Variants in PCDHGA5 observed in about 807,000 individuals in gnomAD.
PCDHGA5 encodes protocadherin gamma subfamily A, 5, also known as protocadherin gamma-A5.
Under a neutral mutation model 56.7 loss-of-function variants are expected in PCDHGA5, and 36 were observed. That is an observed-to-expected ratio of 0.64 (90% CI 0.49 to 0.84). The LOEUF is 0.84. Ranked by LOEUF, PCDHGA5 falls within the 40% of genes least tolerant of loss-of-function variation. The probability of loss-of-function intolerance (pLI) is 0.00; values close to 1 mark genes in which losing one functional copy is unlikely to be tolerated. For synonymous variants in PCDHGA5, 563 were observed against 520.2 expected, an observed-to-expected ratio of 1.08 and a Z score of -1.12; for missense variants, 1,305 against 1,201.5, an observed-to-expected ratio of 1.09 and a Z score of -1.27.
chr5:141,387,421 A>T (rs1379081151), intron 1 of PCDHGA5, among the ~76,000 whole-genome samples: 1 of 152,250 alleles, frequency 6.6e-6, no homozygotes, highest in Non-Finnish European at 1.5e-5. Flanking sequence ...GCTTATGTCA[A>T]TAAATGTTTA....
rs947567666 is a variant in PCDHGA5, at chr5:141,422,270, T to C, written c.2421+55519T>C. ...GATGTGAATGATAACGCTCCAGAAA[T>C]AACTATCACCTCTTCTATTAATTCA... On this transcript the variant is annotated intron_variant, in intron 1 of 3. Transcript: ENST00000518069. 2.6e-6 allele frequency: 4 copies of C among 1,562,452 alleles called. No homozygotes were observed. The East Asian group carries it at 9.0e-5, about 35-fold the overall frequency.
At position 141,385,228 on chromosome 5, in the gene PCDHGA5, GAC is replaced by G. The variant is rs1361009837; in HGVS notation, c.2421+18479_2421+18480del. 9 of 1,614,224 alleles carry G rather than the reference GAC, an allele frequency of 5.6e-6. No individual in the cohort carries two copies. The South Asian group carries it at 8.8e-5, about 16-fold the overall frequency. On this transcript the variant is annotated intron_variant, in intron 1 of 3. Transcript: ENST00000518069. ...GATCTTCCCCCAGCCCAACTATGTAGACATGCTCATCAGCCAGGAGAGCTGTG... is the reference window on the plus strand; with the variant it reads ...GATCTTCCCCCAGCCCAACTATGTAGATGCTCATCAGCCAGGAGAGCTGTG...
rs1373988780 is a variant in PCDHGA5, at chr5:141,404,040, G to A, written c.2421+37289G>A. 1.9e-5 allele frequency: 30 copies of A among 1,613,694 alleles called. No homozygotes were observed. The highest frequency in any genetic ancestry group is 2.3e-5 in the Non-Finnish European group (27 of 1,179,836). On this transcript the variant is annotated intron_variant, in intron 1 of 3. Transcript: ENST00000518069. Reference sequence around the variant, plus strand: ...CCAGTGAGAGAAGACGCACCTCAGGGAACAGTAATTCTTCTTTTCAATGCT... The same window carrying A: ...CCAGTGAGAGAAGACGCACCTCAGGAAACAGTAATTCTTCTTTTCAATGCT...
In PCDHGA5 at chr5:141,511,033, C is replaced by T. The variant is rs1185153127; in HGVS notation, c.2656C>T (p.His886Tyr). 6.2e-7 allele frequency: 1 copy of T among 1,614,202 alleles called. No individual in the cohort carries two copies. The highest frequency in any genetic ancestry group is 1.7e-5 in the Admixed American group (1 of 60,032). ...CTACGGACCCCAGTTCACCCTGCAG[C>T]ACGTGCCCGACTACCGCCAGAATGT... ...ARYGPQFTLQ[H>Y]VPDYRQNVYI... Residue 886 changes from histidine to tyrosine, a missense_variant, in exon 4 of 4, where the codon CAC becomes TAC. His to Tyr is a moderately conservative substitution (Grantham distance 83). Coordinates refer to ENST00000518069, the MANE Select transcript of PCDHGA5 (RefSeq NM_018918.3).
In PCDHGA5 at chr5:141,450,141, G is replaced by A. The variant is rs762961199; in HGVS notation, c.2422-44666G>A. On this transcript the variant is annotated intron_variant, in intron 1 of 3. Transcript: ENST00000518069. ...CCTGCCTTAGCCTCCTGAGTAGCTG[G>A]GACTACAGGCATGTGCCACCACACT... Among the ~76,000 whole-genome samples, 401 of 151,622 alleles carry A rather than the reference G, an allele frequency of 2.6e-3. 1 individual carries two copies. The highest frequency in any genetic ancestry group is 3.8e-3 in the Non-Finnish European group (260 of 67,912).
intron 1 of PCDHGA5, chr5:141,413,170 A>T (rs751830095): frequency 6.3e-7 from 1 of 1,595,602 alleles, no homozygotes; most frequent in South Asian, 1.1e-5. Context: ...CTGTAACCAG[A>T]CTACAATGGC....
chr5:141,386,534 T>A (rs1561611722), intron 1 of PCDHGA5, among the ~76,000 whole-genome samples: 1 of 151,950 alleles, frequency 6.6e-6, no homozygotes, highest in African/African-American at 2.4e-5. Context: ...CTTTTTAGAC[T>A]AGTGTTGTAT....
chr5:141,428,007 A>G, intron 1 of PCDHGA5: 1 of 1,602,018 alleles, frequency 6.2e-7, no homozygotes, highest in Non-Finnish European at 8.5e-7. Flanking sequence ...ACTCTTCGAT[A>G]TAGTGCCACG....
chr5:141,395,019 C>T (rs374672662), intron 1 of PCDHGA5: 5 of 1,613,986 alleles, frequency 3.1e-6, no homozygotes, highest in South Asian at 1.1e-5. Context: ...GGTAGGCGTG[C>T]CTGCCTCACA....
In PCDHGA5 at chr5:141,365,291, G is replaced by A. The variant is rs1485820114; in HGVS notation, c.961G>A (p.Ala321Thr). The stretch of plus-strand genomic sequence containing the variant: ...CAGATTCTACCTCATGGAAGTGGTA[G>A]CTCAGGATGGAGGCGCTCTTGTTGC... The part of the protein sequence containing the change: ...ESRFYLMEVV[A>T]QDGGALVASA... The change falls in exon 1 of 4, where the codon GCT becomes ACT. Residue 321 changes from alanine to threonine, a missense_variant. Physicochemically the swap from Ala to Thr is moderately conservative, Grantham distance 58. Transcript: ENST00000518069. 2 of 1,614,008 alleles carry A rather than the reference G, an allele frequency of 1.2e-6. No homozygotes were observed. The highest frequency in any genetic ancestry group is 3.3e-5 in the Admixed American group (2 of 60,022).
At chr5:141,474,892 A>G (rs1419975508) in intron 1 of PCDHGA5, among the ~76,000 whole-genome samples, 1 of 152,208 alleles carries the variant, frequency 6.6e-6, no homozygotes, top group Non-Finnish European at 1.5e-5. Context: ...TTAGAGGTTC[A>G]TTTCTTGTTC....
intron 1 of PCDHGA5, chr5:141,478,531 C>G (rs771145308): frequency 1.2e-6 from 2 of 1,608,190 alleles, no homozygotes; most frequent in East Asian, 2.2e-5. Context: ...GTGCAGAGAG[C>G]GCCCCTCCCG....
intron 1 of PCDHGA5, chr5:141,404,551 G>A (rs764332245): frequency 1.9e-5 from 31 of 1,613,748 alleles, no homozygotes; most frequent in African/African-American, 1.1e-4. Flanking sequence ...TGCAGGTGAC[G>A]GCAAGTGACA....
At chr5:141,501,366 T>G (rs1297210978) in intron 2 of PCDHGA5, among the ~76,000 whole-genome samples, 1 of 150,672 alleles carries the variant, frequency 6.6e-6, no homozygotes, top group Non-Finnish European at 1.5e-5. Flanking sequence ...ACCATATTCA[T>G]CATCTCTTAA....
chr5:141,434,044 A>T (rs2097670450), intron 1 of PCDHGA5, among the ~76,000 whole-genome samples: 2 of 152,132 alleles, frequency 1.3e-5, no homozygotes, highest in South Asian at 4.1e-4. Flanking sequence ...TTTCTATTTT[A>T]TTCAATGGCC....
intron 1 of PCDHGA5, chr5:141,394,704 G>A (rs1357305999): frequency 1.2e-6 from 2 of 1,613,268 alleles, no homozygotes; most frequent in East Asian, 2.2e-5. Context: ...CACGGCGCGA[G>A]CCCTGCTGGA....
chr5:141,465,048 A>AT (rs905091014), intron 1 of PCDHGA5, among the ~76,000 whole-genome samples: 18 of 151,226 alleles, frequency 1.2e-4, no homozygotes, highest in African/African-American at 4.4e-4. Context: ...GACCCTATAT[A>AT]TTTTTTTGAA....
At chr5:141,441,827 A>G (rs1344314632) in intron 1 of PCDHGA5, 1 of 355,628 alleles carries the variant, frequency 2.8e-6, no homozygotes, top group Non-Finnish European at 5.6e-6. Flanking sequence ...CTGGAGCGCA[A>G]TGGCTTCGCG....
intron 1 of PCDHGA5, among the ~76,000 whole-genome samples, chr5:141,483,010 G>C (rs574078222): frequency 6.6e-6 from 1 of 152,006 alleles, no homozygotes; most frequent in Non-Finnish European, 1.5e-5. Flanking sequence ...GCTTGAACCC[G>C]GGAGGCAGAG....
Sources: gnomAD v4.1 joint callset for allele counts (sites outside exome capture counted in the v4.1 genomes callset) on GRCh38, gnomAD v4.1.1 for gene constraint, MANE v1.5 for transcripts, NCBI Gene and HGNC (gene_info 2026-07-23, HGNC 2026-07-21) for gene names.